Variants in SAFB observed in about 807,000 individuals in gnomAD.
SAFB encodes the protein scaffold attachment factor B.
SAFB carries 15 observed loss-of-function variants against 101.6 expected under a neutral mutation model. The ratio of observed to expected loss-of-function variants is 0.15; its 90% CI spans 0.10 to 0.23. The LOEUF (loss-of-function observed/expected upper bound fraction) is 0.23. Ranked by LOEUF, SAFB falls within the 10% of genes least tolerant of loss-of-function variation. SAFB has a pLI of 1.00. For missense variants in SAFB, 930 were observed against 1,104.1 expected (o/e 0.84, Z 2.23); for synonymous variants, 449 against 407.5 (o/e 1.10, Z -1.23).
At chr19:5,631,660 T>C (rs1681212459) in intron 2 of SAFB, among the ~76,000 whole-genome samples, 1 of 152,194 alleles carries the variant, frequency 6.6e-6, no homozygotes, top group African/African-American at 2.4e-5. Context: ...CAAAACAGAA[T>C]TGTCACTTTA....
At chr19:5,654,016 C>T (rs1308520338) in intron 11 of SAFB, 45 bp from the exon 12 acceptor site, 2 of 1,595,104 alleles carry the variant, frequency 1.3e-6, no homozygotes, top group South Asian at 1.1e-5. Context: ...GCTGGGAATA[C>T]AGGCATGAGC....
rs935087208 is a variant in SAFB at position 5,661,946 on chromosome 19, C to T, written c.2153+138C>T. The T allele has an allele frequency of 1.5e-5, 10 of 675,176 alleles. No homozygotes were observed. In the African/African-American group the frequency reaches 1.8e-4, roughly 12 times the overall value. 41.8% of individuals were successfully genotyped at this position (675,176 alleles called of 1,614,324 possible). A position where few individuals can be genotyped will look rare whatever the true frequency, so the allele number is the denominator to read the frequency against. Reference sequence around the variant, plus strand: ...GTCGCGGAGGCTGGAGTGCAGTGACCCGATCTTGGCTCACTGCAAGCTCTG... The same window carrying T: ...GTCGCGGAGGCTGGAGTGCAGTGACTCGATCTTGGCTCACTGCAAGCTCTG... On this transcript the variant is annotated intron_variant, in intron 15 of 20. Coordinates refer to ENST00000588852, the MANE Select transcript of SAFB (RefSeq NM_001201338.2).
In SAFB at chr19:5,654,101, G is replaced by A. The variant is rs757179186; in HGVS notation, c.1567G>A (p.Asp523Asn). Residue 523 changes from aspartate to asparagine, a missense_variant, in exon 12 of 21, where the codon GAT becomes AAT. By Grantham distance (23) the Asp-to-Asn change is conservative. Around this residue, in one of 7 missense-constraint regions of SAFB, gnomAD observed 92 missense variants for 83.8 expected, o/e 1.10. Coordinates refer to ENST00000588852, the MANE Select transcript of SAFB (RefSeq NM_001201338.2). The stretch of plus-strand genomic sequence containing the variant: ...GAGGGATGATAAATGTGACAGAAAA[G>A]ATGATGCTAAGAAGGGTGACGACGG... ...LKRDDKCDRK[D>N]DAKKGDDGSG... The A allele has an allele frequency of 8.7e-6, 14 of 1,614,176 alleles. No homozygotes were observed. The highest frequency in any genetic ancestry group is 1.2e-5 in the Non-Finnish European group (14 of 1,180,004).
At chr19:5,631,501 T>C (rs2053489117) in intron 2 of SAFB, among the ~76,000 whole-genome samples, 1 of 152,228 alleles carries the variant, frequency 6.6e-6, no homozygotes. Flanking sequence ...GTGGGTTTTA[T>C]CAAGATTTTA....
chr19:5,645,439 T>G, intron 5 of SAFB, 40 bp downstream of exon 5: 1 of 941,684 alleles, frequency 1.1e-6, no homozygotes, highest in Non-Finnish European at 1.7e-6. Flanking sequence ...GAATGAAAGG[T>G]CAGACCACAA....
chr19:5,666,288 G>A (rs2054325956), intron 17 of SAFB: 1 of 152,224 alleles, frequency 6.6e-6, no homozygotes, highest in South Asian at 2.1e-4. Context: ...CATCAAATAA[G>A]TAGGCATAGA....
chr19:5,668,066 C>A, intron 20 of SAFB, 96 bp from the exon 21 acceptor site: 8 of 1,522,318 alleles, frequency 5.3e-6, no homozygotes, highest in Non-Finnish European at 7.1e-6. Flanking sequence ...AGGAAGGGGC[C>A]CTGCCTGCAG....
intron 2 of SAFB, among the ~76,000 whole-genome samples, chr19:5,634,994 C>T (rs963191025): frequency 3.3e-5 from 5 of 151,940 alleles, no homozygotes; most frequent in African/African-American, 9.7e-5. Flanking sequence ...CAAAATTAAC[C>T]GGGTGTGGTG....
intron 4 of SAFB, among the ~76,000 whole-genome samples, chr19:5,642,395 A>ATGAT (rs2053735230): frequency 6.6e-6 from 1 of 152,162 alleles, no homozygotes; most frequent in African/African-American, 2.4e-5. Flanking sequence ...GTACTAAGCT[A>ATGAT]TGATTGTGCA....
rs765914376 is a variant in SAFB, at chr19:5,668,158, C to G, written c.2625-4C>G. On this transcript the variant is annotated splice_polypyrimidine_tract_variant and splice_region_variant and intron_variant, in intron 20 of 20. Transcript: ENST00000588852. Reference sequence around the variant, plus strand: ...CAGTCAAACCAATGTGAATTTGTTCCTAGGCGCGGCAGCTTTGCCCCAGGC... The same window carrying G: ...CAGTCAAACCAATGTGAATTTGTTCGTAGGCGCGGCAGCTTTGCCCCAGGC... The G allele has an allele frequency of 5.6e-6, 9 of 1,606,578 alleles. No homozygotes were observed. Among genetic ancestry groups the G allele is most frequent in the South Asian group, 1.1e-5 (1 of 90,474 alleles).
At chr19:5,661,428 G>C (rs542602355) in intron 14 of SAFB, 90 bp from the exon 15 acceptor site, 12 of 1,561,802 alleles carry the variant, frequency 7.7e-6, no homozygotes, top group Non-Finnish European at 1.0e-5. Flanking sequence ...CAGCCCTGGA[G>C]TCTGTGCGAC....
intron 15 of SAFB, among the ~76,000 whole-genome samples, chr19:5,663,629 G>T (rs531182052): frequency 4.4e-4 from 67 of 152,264 alleles, no homozygotes; most frequent in African/African-American, 1.4e-3. Flanking sequence ...AGGGCTGCTG[G>T]CAGGGCAGGA....
chr19:5,658,570 T>G (rs2054118298), intron 14 of SAFB, among the ~76,000 whole-genome samples: 1 of 152,064 alleles, frequency 6.6e-6, no homozygotes, highest in African/African-American at 2.4e-5. Context: ...CCAGGCGCGG[T>G]GGCTCAAGCC....
At chr19:5,643,426 T>C (rs942543707) in intron 4 of SAFB, among the ~76,000 whole-genome samples, 2 of 152,192 alleles carry the variant, frequency 1.3e-5, no homozygotes, top group East Asian at 3.8e-4. Flanking sequence ...AGGTAGCAGA[T>C]TGTCATATTT....
chr19:5,628,912 T>G (rs866172358), intron 2 of SAFB, among the ~76,000 whole-genome samples: 2 of 152,362 alleles, frequency 1.3e-5, no homozygotes, highest in South Asian at 2.1e-4. Context: ...AGCAAATACT[T>G]GTACTACAGG....
chr19:5,630,780 A>T (rs992800344), intron 2 of SAFB, among the ~76,000 whole-genome samples: 1 of 151,710 alleles, frequency 6.6e-6, no homozygotes, highest in African/African-American at 2.4e-5. Context: ...TATATGTATA[A>T]CTCTGTTATA....
chr19:5,648,226 G>T lies in SAFB; in HGVS notation c.637+183G>T. On this transcript the variant is annotated intron_variant, in intron 6 of 20. Transcript: ENST00000588852. ...GAAACCCAGCCATATCACCAGATCT[G>T]TGAAAGTGGCTCACTTCTCATTTTA... is the stretch of plus-strand genomic sequence containing the variant. The T allele has an allele frequency of 6.9e-6, 4 of 576,754 alleles. No individual in the cohort carries two copies. The East Asian group carries it at 1.2e-4, about 17-fold the overall frequency. The allele number at this position is 576,754 out of a possible 1,614,324, so 35.7% of individuals were successfully genotyped here. A position where few individuals can be genotyped will look rare whatever the true frequency, so the allele number is the denominator to read the frequency against.
At chr19:5,627,124 A>G (rs1247164294) in intron 2 of SAFB, among the ~76,000 whole-genome samples, 1 of 151,608 alleles carries the variant, frequency 6.6e-6, no homozygotes, top group African/African-American at 2.4e-5. Context: ...GCAATGACCT[A>G]ATGATTGCAC....
rs148831822 is a variant in SAFB, at chr19:5,667,193, ACCC to A, written c.2453+37_2453+39del. 3 of 1,096,036 alleles carry A rather than the reference ACCC, an allele frequency of 2.7e-6. No homozygotes were observed. The highest frequency in any genetic ancestry group is 2.7e-5 in the Admixed American group (1 of 36,634). The allele number at this position is 1,096,036 out of a possible 1,614,324, so 67.9% of individuals were successfully genotyped here. A position where few individuals can be genotyped will look rare whatever the true frequency, so the allele number is the denominator to read the frequency against. On this transcript the variant is annotated intron_variant, in intron 18 of 20. Transcript: ENST00000588852. This position sits in a 1 kb window ranked among gnomAD's most constrained non-coding sequence, Gnocchi z 4.0. ...TGTGTCCCACACCCGACAGTACCTG[ACCC>A]CCCCCCCGCCCACAAGGGGGCCCGC...
Sources: allele counts gnomAD v4.1 joint callset (sites outside exome capture counted in the v4.1 genomes callset), GRCh38; gene constraint gnomAD v4.1.1; regional missense constraint gnomAD v4.1.1; non-coding constraint Gnocchi (gnomAD v3.1); transcripts MANE v1.5; gene names NCBI Gene and HGNC (gene_info 2026-07-23, HGNC 2026-07-21).